Variants in AIM2 observed in about 807,000 individuals in gnomAD.
AIM2 encodes the protein interferon-inducible protein AIM2.
A neutral mutation model predicts 27.7 loss-of-function variants in AIM2; 30 were observed. That is an observed-to-expected ratio of 1.08 (90% CI 0.81 to 1.47). The LOEUF is 1.47. AIM2 is among the 40% of genes most tolerant of loss of function. The pLI is 0.00. For synonymous variants in AIM2, 141 were observed against 145.3 expected (o/e 0.97, Z 0.21); for missense variants, 358 against 411.3 (o/e 0.87, Z 1.12).
chr1:159,085,024 A>G (rs996087564), intron 1 of AIM2, among the ~76,000 whole-genome samples: 13 of 152,306 alleles, frequency 8.5e-5, no homozygotes, highest in Middle Eastern at 3.4e-3. Context: ...CCAAGACCTG[A>G]CTACACTGCA....
At chr1:159,075,532 AAT>A (rs1403588610) in intron 1 of AIM2, among the ~76,000 whole-genome samples, 4 of 109,784 alleles carry the variant, frequency 3.6e-5, no homozygotes, top group East Asian at 2.5e-4. Flanking sequence ...AGATACCTGC[AAT>A]ACACACACAC....
At chr1:159,109,826 T>C (rs542521746) in intron 1 of AIM2, among the ~76,000 whole-genome samples, 3 of 152,234 alleles carry the variant, frequency 2.0e-5, no homozygotes, top group Non-Finnish European at 4.4e-5. Flanking sequence ...CCACTAATGA[T>C]CAGGGAAATG....
At chr1:159,088,332 G>C (rs1042251680) in intron 1 of AIM2, among the ~76,000 whole-genome samples, 2 of 152,150 alleles carry the variant, frequency 1.3e-5, no homozygotes, top group Non-Finnish European at 2.9e-5. Context: ...AACCATGAGA[G>C]GAAGGAATGC....
At chr1:159,129,580 C>T (rs1400717108) in intron 1 of AIM2, among the ~76,000 whole-genome samples, 2 of 152,112 alleles carry the variant, frequency 1.3e-5, no homozygotes, top group Non-Finnish European at 2.9e-5. Flanking sequence ...CCATTCTATG[C>T]CTCAGTTTCC....
rs530380232 is a variant in AIM2 at position 159,106,590 on chromosome 1, C to T, written c.-16+33841G>A. ...GGTGGAAAATGACTGAGACCTTGCT[C>T]CCAGGGCATACAGCTGCACACTAGG... On this transcript the variant is annotated intron_variant, in intron 1 of 2. Transcript: ENST00000368129. 7.9e-5 allele frequency among the ~76,000 whole-genome samples: 12 copies of T among 152,292 alleles called. No homozygotes were observed. The East Asian group carries it at 1.9e-3, about 24-fold the overall frequency.
chr1:159,058,686 C>G (rs564503275), downstream of AIM2, among the ~76,000 whole-genome samples: 1 of 152,120 alleles, frequency 6.6e-6, no homozygotes, highest in Non-Finnish European at 1.5e-5. Context: ...ACTCACCCAC[C>G]GATTCTCGAG....
At chr1:159,134,593 A>C (rs1047968282) in intron 1 of AIM2, among the ~76,000 whole-genome samples, 1 of 152,154 alleles carries the variant, frequency 6.6e-6, no homozygotes, top group Non-Finnish European at 1.5e-5. Flanking sequence ...TCACTTTGGG[A>C]GGCGGAGGCG....
chr1:159,096,773 AG>A (rs2102014234), intron 1 of AIM2, among the ~76,000 whole-genome samples: 1 of 152,234 alleles, frequency 6.6e-6, no homozygotes, highest in East Asian at 1.9e-4. Flanking sequence ...CAGGCTGGAG[AG>A]CACAGGTATG....
chr1:159,099,018 T>C (rs921693274), intron 1 of AIM2, among the ~76,000 whole-genome samples: 2 of 152,090 alleles, frequency 1.3e-5, no homozygotes, highest in African/African-American at 4.8e-5. Context: ...TTTTTTTTTT[T>C]TTCCATCAGT....
At chr1:159,055,068 G>T in the AIM2 span, 2 of 396,608 alleles carry the variant, frequency 5.0e-6, no homozygotes, top group Non-Finnish European at 9.2e-6. Context: ...ATTTTTCATA[G>T]TTTTTTTTTA....
At chr1:159,109,385 T>G (rs1300888955) in intron 1 of AIM2, among the ~76,000 whole-genome samples, 5 of 152,156 alleles carry the variant, frequency 3.3e-5, no homozygotes, top group African/African-American at 1.2e-4. Context: ...GATCCTCATC[T>G]CTCACCTTAT....
intron 4 of AIM2, among the ~76,000 whole-genome samples, chr1:159,065,590 A>G (rs1043664883): frequency 6.6e-6 from 1 of 152,224 alleles, no homozygotes; most frequent in African/African-American, 2.4e-5. Context: ...GATAATCACA[A>G]CTATAGTCAC....
downstream of AIM2, among the ~76,000 whole-genome samples, chr1:159,062,070 A>G (rs1219204469): frequency 2.6e-5 from 4 of 151,500 alleles, no homozygotes; most frequent in Non-Finnish European, 5.9e-5. Context: ...CTTTTTTTTT[A>G]GTCTTTTCTC....
At chr1:159,133,122 C>A (rs1377526976) in intron 1 of AIM2, among the ~76,000 whole-genome samples, 1 of 152,196 alleles carries the variant, frequency 6.6e-6, no homozygotes, top group Non-Finnish European at 1.5e-5. Flanking sequence ...GCACTCTGAT[C>A]CCCTATCACA....
rs145779112 is a variant in AIM2, at chr1:159,063,559, C to T, written c.932G>A (p.Arg311Gln). ...TMKCKEGDKV[R>Q]LTFFTLSKNG... ...TTTTGACAGTGTGAAGAATGTAAGT[C>T]GAACCTTATCTCCTTCCTTACATTT... is the stretch of plus-strand genomic sequence containing the variant. Residue 311 changes from arginine (R) to glutamine (Q), a missense_variant, in exon 5 of 6, where the codon CGA becomes CAA. Physicochemically the swap from Arg to Gln is conservative, Grantham distance 43. Coordinates refer to ENST00000368130, the MANE Select transcript of AIM2 (RefSeq NM_004833.3). 132 of 1,613,988 alleles carry T rather than the reference C, an allele frequency of 8.2e-5. No individual in the cohort carries two copies. The highest frequency in any genetic ancestry group is 1.1e-4 in the Non-Finnish European group (127 of 1,179,992).
In AIM2 at chr1:159,146,571, T is replaced by A. The variant is rs181058548; in HGVS notation, n.87+439A>T. Among the ~76,000 whole-genome samples the A allele has an allele frequency of 1.2e-3, 185 of 152,260 alleles. 2 individuals carry two copies. The highest frequency in any genetic ancestry group is 4.1e-4 in the South Asian group (2 of 4,826). ...TTTCCCCACTTTCTGCAACTGGCAT[T>A]CCCTAATACTTTACTGTGTAATCTC... is the stretch of plus-strand genomic sequence containing the variant. On this transcript the variant is annotated intron_variant and non_coding_transcript_variant, in intron 1 of 6. Transcript: ENST00000411768.
At chr1:159,081,844 T>C (rs77184573) in intron 1 of AIM2, 3,913 of 153,234 alleles carry the variant, frequency 0.026, 102 homozygotes, top group African/African-American at 0.062. Context: ...GCCAAGTCCC[T>C]GGGGAAGTAA....
chr1:159,099,908 C>G (rs1657275665), intron 1 of AIM2, among the ~76,000 whole-genome samples: 1 of 152,160 alleles, frequency 6.6e-6, no homozygotes, highest in African/African-American at 2.4e-5. Flanking sequence ...CCTTCTCTGG[C>G]CTTAAAAAAA....
At chr1:159,143,619 C>T (rs988567346), upstream of AIM2, among the ~76,000 whole-genome samples, 2 of 147,146 alleles carry the variant, frequency 1.4e-5, no homozygotes, top group South Asian at 2.1e-4. Flanking sequence ...CACACACACA[C>T]ACACACACAC....
Sources: gnomAD v4.1 joint callset for allele counts (sites outside exome capture counted in the v4.1 genomes callset) on GRCh38, gnomAD v4.1.1 for gene constraint, MANE v1.5 for transcripts, NCBI Gene and HGNC (gene_info 2026-07-23, HGNC 2026-07-21) for gene names.